Variants in HGSNAT observed in about 807,000 individuals in gnomAD.
HGSNAT encodes transmembrane protein 76.
In HGSNAT, 59 loss-of-function variants were observed where a neutral mutation model predicts 85.2. The observed-to-expected ratio is 0.69, with a 90% CI of 0.56 to 0.86. The LOEUF (loss-of-function observed/expected upper bound fraction) is 0.86. HGSNAT is among the 40% of genes least tolerant of loss of function. The pLI, the probability that HGSNAT is intolerant of heterozygous loss-of-function variation, is 0.00. For synonymous variants in HGSNAT, 321 were observed against 304.5 expected (o/e 1.05, Z -0.56); for missense variants, 756 against 777.1 (o/e 0.97, Z 0.32).
intron 1 of HGSNAT, among the ~76,000 whole-genome samples, chr8:43,146,178 C>T (rs901271936): frequency 6.6e-5 from 10 of 152,094 alleles, no homozygotes; most frequent in African/African-American, 2.4e-4. Flanking sequence ...TGCTCCCAAT[C>T]CAGGAGCAGT....
intron 11 of HGSNAT, among the ~76,000 whole-genome samples, chr8:43,182,621 TC>T (rs1378299035): frequency 6.6e-6 from 1 of 152,146 alleles, no homozygotes; most frequent in Non-Finnish European, 1.5e-5. Context: ...TTTTATTTAT[TC>T]TTTTGTAGAG....
At chr8:43,198,003 GC>G (rs1804785502) in intron 17 of HGSNAT, 51 bp downstream of exon 17, 2 of 1,333,708 alleles carry the variant, frequency 1.5e-6, no homozygotes, top group Non-Finnish European at 1.1e-6. Flanking sequence ...CAGGAGGCAG[GC>G]CCAGGGACCT....
chr8:43,173,625 A>G (rs866134567), intron 8 of HGSNAT, 88 bp from the exon 9 acceptor site: 3 of 1,407,094 alleles, frequency 2.1e-6, no homozygotes, highest in South Asian at 1.2e-5. Context: ...TTTACTTTCT[A>G]TACCAGTGTG....
chr8:43,153,917 A>G (rs1381110961), intron 2 of HGSNAT, among the ~76,000 whole-genome samples: 2 of 152,230 alleles, frequency 1.3e-5, no homozygotes, highest in Non-Finnish European at 2.9e-5. Flanking sequence ...CTCTGTGAAT[A>G]TATTGCACAT....
At chr8:43,199,149 C>T (rs942698072) in intron 17 of HGSNAT, among the ~76,000 whole-genome samples, 3 of 152,214 alleles carry the variant, frequency 2.0e-5, no homozygotes, top group African/African-American at 7.2e-5. Context: ...GATCCACCCG[C>T]TTTGGCCTCC....
At chr8:43,176,280 C>A (rs56097542) in intron 9 of HGSNAT, among the ~76,000 whole-genome samples, 14 of 152,114 alleles carry the variant, frequency 9.2e-5, no homozygotes, top group African/African-American at 2.9e-4. Flanking sequence ...ATCCAGTTTT[C>A]TAGCATCATT....
chr8:43,196,646 C>G (rs1224034913), intron 14 of HGSNAT: 3 of 757,674 alleles, frequency 4.0e-6, no homozygotes, highest in Admixed American at 2.3e-5. Flanking sequence ...GCCTGCTGCC[C>G]CATTCTGCTC....
rs140421768 is a variant in HGSNAT at position 43,164,722 on chromosome 8, C to T, written c.563+3215C>T. 4.7e-3 allele frequency among the ~76,000 whole-genome samples: 712 copies of T among 152,252 alleles called. 8 individuals are homozygous for T. The highest frequency in any genetic ancestry group is 0.016 in the African/African-American group (658 of 41,540). The stretch of plus-strand genomic sequence containing the variant: ...CTGGAACCCAGGAAGTGGAGGTTTG[C>T]AGTGAGCCGAGATCGCGCTACTGCA... On this transcript the variant is annotated intron_variant, in intron 5 of 17. Coordinates refer to ENST00000379644, the MANE Select transcript of HGSNAT (RefSeq NM_152419.3).
intron 5 of HGSNAT, among the ~76,000 whole-genome samples, chr8:43,168,708 A>G (rs1417685232): frequency 1.3e-5 from 2 of 152,064 alleles, no homozygotes; most frequent in Non-Finnish European, 2.9e-5. Context: ...AATAATTTAT[A>G]TCTTCATCTT....
At chr8:43,166,660 T>G (rs1803445660) in intron 5 of HGSNAT, among the ~76,000 whole-genome samples, 1 of 152,206 alleles carries the variant, frequency 6.6e-6, no homozygotes, top group African/African-American at 2.4e-5. Context: ...CCAATGGAGA[T>G]GTACAAGCAG....
chr8:43,196,922 T>C, intron 14 of HGSNAT, 26 bp from the exon 15 acceptor site: 1 of 1,396,432 alleles, frequency 7.2e-7, no homozygotes, highest in East Asian at 2.3e-5. Flanking sequence ...GCGATTCTTT[T>C]GGTCACACTG....
At chr8:43,194,161 G>A in intron 14 of HGSNAT, 4 of 992,816 alleles carry the variant, frequency 4.0e-6, no homozygotes, top group Non-Finnish European at 5.0e-6. Context: ...ATTTTGGGAA[G>A]CCAAGGCAGG....
chr8:43,192,853 A>G (rs920933849), intron 13 of HGSNAT, among the ~76,000 whole-genome samples: 2 of 152,156 alleles, frequency 1.3e-5, no homozygotes. Context: ...CTCAGGTCGG[A>G]TTTCCTGGCA....
At chr8:43,187,928 C>G (rs1187999555) in intron 11 of HGSNAT, among the ~76,000 whole-genome samples, 1 of 152,192 alleles carries the variant, frequency 6.6e-6, no homozygotes, top group Admixed American at 6.5e-5. Flanking sequence ...ATATGAAATT[C>G]TAGACTGAAA....
At position 43,140,562 on chromosome 8, in the gene HGSNAT, G is replaced by A. The variant is rs2130648121; in HGVS notation, c.66G>A (p.Leu22=). ...CCGCGTCCGTGCTGAGCGCCGCGCT[G>A]CTGGCCCCCGGCGGCTCTTCGGGGC... The part of the protein sequence containing the change: ...LLAASVLSAA[L]LAPGGSSGRD... The change falls in exon 1 of 18, where the codon CTG becomes CTA. Residue 22 remains leucine (L), a synonymous_variant. Transcript: ENST00000379644. The A allele has an allele frequency of 3.0e-5, 37 of 1,214,964 alleles. No homozygotes were observed. Among genetic ancestry groups the A allele is most frequent in the Non-Finnish European group, 3.4e-5 (33 of 970,818 alleles). 75.3% of individuals were successfully genotyped at this position (1,214,964 alleles called of 1,614,324 possible). A position where few individuals can be genotyped will look rare whatever the true frequency, so the allele number is the denominator to read the frequency against.
chr8:43,196,668 C>A, intron 14 of HGSNAT: 1 of 639,448 alleles, frequency 1.6e-6, no homozygotes, highest in South Asian at 1.7e-5. Flanking sequence ...GGAGCCTCTT[C>A]CTGCGGGGAC....
At chr8:43,150,705 GCT>G (rs1802885102) in intron 2 of HGSNAT, among the ~76,000 whole-genome samples, 3 of 152,026 alleles carry the variant, frequency 2.0e-5, no homozygotes, top group Non-Finnish European at 4.4e-5. Context: ...ATGGTGGTGG[GCT>G]CCTGTAGTCC....
intron 10 of HGSNAT, among the ~76,000 whole-genome samples, chr8:43,179,305 T>C (rs1490844165): frequency 2.0e-5 from 3 of 146,534 alleles, no homozygotes; most frequent in African/African-American, 5.1e-5. Flanking sequence ...CACTTCCCAG[T>C]AGGGGCGGCC....
chr8:43,182,863 C>A (rs556449121), intron 11 of HGSNAT, among the ~76,000 whole-genome samples: 1 of 152,306 alleles, frequency 6.6e-6, no homozygotes, highest in East Asian at 1.9e-4. Context: ...TTTTCACTTT[C>A]ATTAGTTATT....
Sources: allele counts gnomAD v4.1 joint callset (sites outside exome capture counted in the v4.1 genomes callset), GRCh38; gene constraint gnomAD v4.1.1; transcripts MANE v1.5; gene names NCBI Gene and HGNC (gene_info 2026-07-23, HGNC 2026-07-21).